The following ZNF106 variants were observed in gnomAD, a reference collection of about 807,000 sequenced individuals.
ZNF106 encodes SH3-domain binding protein 3.
In ZNF106, 67 loss-of-function variants were observed where a neutral mutation model predicts 195.1. The observed-to-expected ratio is 0.34, with a 90% CI of 0.28 to 0.42. The LOEUF (loss-of-function observed/expected upper bound fraction) is 0.42, where lower values mean the gene tolerates loss of function less well. Ranked by LOEUF, ZNF106 falls within the 10% of genes least tolerant of loss-of-function variation. The pLI, the probability that ZNF106 is intolerant of heterozygous loss-of-function variation, is 1.00. For missense variants in ZNF106, 2,118 were observed against 2,304.5 expected, an observed-to-expected ratio of 0.92 and a Z score of 1.66; for synonymous variants, 784 against 818.6, an observed-to-expected ratio of 0.96 and a Z score of 0.72.
chr15:42,439,151 T>C lies in ZNF106; in HGVS notation c.4426A>G (p.Lys1476Glu). ...SGEEKPDSPS[K>E]KDIWNSTEQN... ...TCTGTAGAGTTCCAAATATCCTTTT[T>C]AGATGGGCTGTCTGGTTTCTCTTCT... The change falls in exon 11 of 22, where the codon AAA becomes GAA. Residue 1476 changes from lysine (K) to glutamate (E), a missense_variant. Coordinates refer to ENST00000564754, the MANE Select transcript of ZNF106 (RefSeq NM_001366845.3). The C allele has an allele frequency of 1.2e-6, 2 of 1,614,162 alleles. No homozygotes were observed. Among genetic ancestry groups the C allele is most frequent in the Non-Finnish European group, 1.7e-6 (2 of 1,180,028 alleles).
intron 1 of ZNF106, among the ~76,000 whole-genome samples, chr15:42,483,677 C>T (rs929306170): frequency 1.3e-5 from 2 of 152,144 alleles, no homozygotes; most frequent in East Asian, 1.9e-4. Context: ...TTACAAGGCC[C>T]GCTTGACACA....
chr15:42,463,900 A>G (rs2056452545), intron 3 of ZNF106, among the ~76,000 whole-genome samples: 1 of 152,230 alleles, frequency 6.6e-6, no homozygotes, highest in Non-Finnish European at 1.5e-5. Flanking sequence ...CCTTCACATA[A>G]TAAGAGACTG....
rs760430761 is a variant in ZNF106, at chr15:42,449,948, T to C, written c.2324A>G (p.Asn775Ser). 5.0e-6 allele frequency: 8 copies of C among 1,614,088 alleles called. No individual in the cohort carries two copies. The highest frequency in any genetic ancestry group is 3.3e-5 in the South Asian group (3 of 91,086). The change falls in exon 5 of 22, where the codon AAT becomes AGT. Residue 775 changes from asparagine (N) to serine (S), a missense_variant. Asn to Ser is a conservative substitution (Grantham distance 46). Transcript: ENST00000564754. ...TGVHLPEPNL[N>S]SARRIRNISG... ...AATATTGCGAATGCGGCGGGCACTA[T>C]TGAGGTTTGGCTCAGGAAGGTGTAC...
intron 3 of ZNF106, 102 bp downstream of exon 3, chr15:42,465,951 A>C: frequency 2.1e-6 from 2 of 936,584 alleles, no homozygotes; most frequent in Non-Finnish European, 3.1e-6. Flanking sequence ...CCATAAGACA[A>C]CATTTGCTTT....
At chr15:42,482,639 C>T (rs2056929219) in intron 1 of ZNF106, among the ~76,000 whole-genome samples, 1 of 148,816 alleles carries the variant, frequency 6.7e-6, no homozygotes, top group Non-Finnish European at 1.5e-5. Flanking sequence ...AGCAATTCTC[C>T]TGCCTCAGCC....
intron 13 of ZNF106, 140 bp downstream of exon 13, chr15:42,437,092 G>T: frequency 4.8e-6 from 4 of 827,480 alleles, no homozygotes; most frequent in Non-Finnish European, 7.3e-6. Context: ...TGAGCTTCTG[G>T]ATTAAATGCA....
rs140780922 is a variant in ZNF106 at position 42,437,897 on chromosome 15, C to T, written c.4601-520G>A. ...ACTCCAGCCTGGGCGACAACGACTCCGTCTCAAAAAAAAAAAAAAAAAGAA... is the reference window on the plus strand; with the variant it reads ...ACTCCAGCCTGGGCGACAACGACTCTGTCTCAAAAAAAAAAAAAAAAAGAA... On this transcript the variant is annotated intron_variant, in intron 12 of 21. Transcript: ENST00000564754. Among the ~76,000 whole-genome samples, 778 of 140,192 alleles carry T rather than the reference C, an allele frequency of 5.5e-3. 5 individuals carry two copies. The highest frequency in any genetic ancestry group is 0.02 in the African/African-American group (725 of 37,164). 92.0% of individuals were successfully genotyped at this position (140,192 alleles called of 152,430 possible).
chr15:42,446,707 A>G (rs2055786783), intron 6 of ZNF106, 49 bp from the exon 7 acceptor site: 1 of 1,453,298 alleles, frequency 6.9e-7, no homozygotes, highest in Admixed American at 2.1e-5. Flanking sequence ...AAAAGCCATT[A>G]TCCAAGAGGA....
chr15:42,421,183 A>T, intron 19 of ZNF106, 51 bp from the exon 20 acceptor site: 1 of 1,531,874 alleles, frequency 6.5e-7, no homozygotes, highest in Non-Finnish European at 9.0e-7. Flanking sequence ...ACAAACTACA[A>T]AACACCCTCA....
chr15:42,489,377 A>C (rs1235305730), intron 1 of ZNF106, among the ~76,000 whole-genome samples: 1 of 151,804 alleles, frequency 6.6e-6, no homozygotes, highest in East Asian at 2.0e-4. Context: ...GTGTTTCTCC[A>C]TGTCGGTCAG....
intron 20 of ZNF106, among the ~76,000 whole-genome samples, chr15:42,418,321 C>T (rs1487493412): frequency 6.7e-6 from 1 of 149,576 alleles, no homozygotes; most frequent in African/African-American, 2.5e-5. Flanking sequence ...TTATTCAATA[C>T]AAAAGGCAAA....
At chr15:42,423,892 C>T in intron 17 of ZNF106, 106 bp downstream of exon 17, 6 of 1,028,950 alleles carry the variant, frequency 5.8e-6, no homozygotes, top group South Asian at 5.2e-5. Flanking sequence ...CGAATCCCTT[C>T]GGTGGATAAA....
intron 5 of ZNF106, among the ~76,000 whole-genome samples, chr15:42,449,106 T>TG (rs896529721): frequency 3.7e-4 from 56 of 152,042 alleles, no homozygotes; most frequent in African/African-American, 1.3e-3. Context: ...GAAAGGAAAG[T>TG]GGGGGGAAAT....
intron 17 of ZNF106, 87 bp downstream of exon 17, chr15:42,423,911 T>C: frequency 1.5e-6 from 2 of 1,304,800 alleles, no homozygotes; most frequent in Non-Finnish European, 2.1e-6. Flanking sequence ...AAGGGCTTAA[T>C]TTAAATTGCA....
In ZNF106 at chr15:42,437,234, C is replaced by A; in HGVS notation, c.4744G>T (p.Val1582Leu). 6.2e-7 allele frequency: 1 copy of A among 1,610,290 alleles called. No individual in the cohort carries two copies. The highest frequency in any genetic ancestry group is 8.5e-7 in the Non-Finnish European group (1 of 1,178,528). ...TTCTACATGTTCTATCAACTTACCA[C>A]CAGATTATAAACCCGAACAGTTTTA... ...ADKTVRVYNL[V>L]SRKCIGVFEG... Residue 1582 changes from valine to leucine, a missense_variant and splice_region_variant, in exon 13 of 22, where the codon GTG becomes TTG. Transcript: ENST00000564754.
chr15:42,417,505 G>A (rs1043309350), intron 21 of ZNF106, 145 bp from the exon 22 acceptor site: 11 of 903,244 alleles, frequency 1.2e-5, no homozygotes, highest in South Asian at 3.4e-5. Flanking sequence ...GCTAACTTAC[G>A]TGAAACCATG....
intron 18 of ZNF106, 51 bp downstream of exon 18, chr15:42,422,450 A>G: frequency 6.3e-7 from 1 of 1,592,462 alleles, no homozygotes; most frequent in African/African-American, 1.3e-5. Flanking sequence ...CTAAACCCAA[A>G]TAGACAATCT....
chr15:42,426,459 G>A (rs912094850), intron 15 of ZNF106, among the ~76,000 whole-genome samples: 1 of 151,292 alleles, frequency 6.6e-6, no homozygotes, highest in Admixed American at 6.6e-5. Context: ...GAGTACAATG[G>A]TGTGATTATA....
chr15:42,423,629 C>T (rs1157906879), intron 17 of ZNF106, among the ~76,000 whole-genome samples: 1 of 152,182 alleles, frequency 6.6e-6, no homozygotes, highest in Non-Finnish European at 1.5e-5. Flanking sequence ...CTTCCCACCT[C>T]AGCCTTCTGA....
Sources: allele counts gnomAD v4.1 joint callset (sites outside exome capture counted in the v4.1 genomes callset), GRCh38; gene constraint gnomAD v4.1.1; transcripts MANE v1.5; gene names NCBI Gene and HGNC (gene_info 2026-07-23, HGNC 2026-07-21).